Variants in VWC2L observed in about 807,000 individuals in gnomAD.
VWC2L encodes von Willebrand factor C domain-containing protein 2-like.
Under a neutral mutation model 21.6 loss-of-function variants are expected in VWC2L, and 10 were observed. That is an observed-to-expected ratio of 0.46 (90% CI 0.29 to 0.78). The LOEUF (loss-of-function observed/expected upper bound fraction) is 0.78, where lower values mean the gene tolerates loss of function less well. Ranked by LOEUF, VWC2L falls within the 30% of genes least tolerant of loss-of-function variation. The probability of loss-of-function intolerance (pLI) is 0.10; values close to 1 mark genes in which losing one functional copy is unlikely to be tolerated. For synonymous variants in VWC2L, 96 were observed against 94.3 expected, an observed-to-expected ratio of 1.02 and a Z score of -0.10; for missense variants, 209 against 277.1, an observed-to-expected ratio of 0.75 and a Z score of 1.74.
At position 214,437,999 on chromosome 2, in the gene VWC2L, G is replaced by C. The variant is rs73987329; in HGVS notation, c.520+1241G>C. On this transcript the variant is annotated intron_variant, in intron 3 of 3. Coordinates refer to ENST00000312504, the MANE Select transcript of VWC2L (RefSeq NM_001080500.4). ...CTTATCTCCTTTCTCCAATCTACCT[G>C]TCATAGTGACCACTCTCTCACTTAG... 1.4e-3 allele frequency among the ~76,000 whole-genome samples: 213 copies of C among 151,970 alleles called. 4 individuals are homozygous for C. The highest frequency in any genetic ancestry group is 4.8e-3 in the African/African-American group (201 of 41,464).
intron 3 of VWC2L, among the ~76,000 whole-genome samples, chr2:214,458,311 GTCT>G (rs1276660981): frequency 6.6e-6 from 1 of 151,762 alleles, no homozygotes; most frequent in African/African-American, 2.4e-5. Context: ...TTGTATGAGT[GTCT>G]TCTTTTTTTC....
intron 3 of VWC2L, among the ~76,000 whole-genome samples, chr2:214,535,641 G>GT (rs1166653376): frequency 6.6e-6 from 1 of 152,016 alleles, no homozygotes; most frequent in East Asian, 1.9e-4. Flanking sequence ...TTAAAGCTGC[G>GT]TAAGTCATCC....
chr2:214,531,705 ACTGT>A (rs1164450976), intron 3 of VWC2L, among the ~76,000 whole-genome samples: 3 of 152,210 alleles, frequency 2.0e-5, no homozygotes, highest in South Asian at 4.1e-4. Context: ...TTCTCATGTG[ACTGT>A]CCAGGGGAGC....
At chr2:214,537,108 G>A (rs1311620563) in intron 3 of VWC2L, among the ~76,000 whole-genome samples, 2 of 151,772 alleles carry the variant, frequency 1.3e-5, no homozygotes, top group African/African-American at 4.8e-5. Context: ...CCATAATCTG[G>A]GTTAGTTGTC....
chr2:214,542,673 A>G (rs13397126), intron 3 of VWC2L, among the ~76,000 whole-genome samples: 14 of 152,020 alleles, frequency 9.2e-5, no homozygotes, highest in Non-Finnish European at 1.5e-4. Flanking sequence ...CCTGCATCTT[A>G]TTATCCCACT....
At chr2:214,555,661 T>C (rs1390050452) in intron 3 of VWC2L, among the ~76,000 whole-genome samples, 1 of 152,202 alleles carries the variant, frequency 6.6e-6, no homozygotes, top group Non-Finnish European at 1.5e-5. Flanking sequence ...ATCGCTGTTG[T>C]CTCTACCATC....
intron 3 of VWC2L, among the ~76,000 whole-genome samples, chr2:214,487,336 T>C (rs1688684690): frequency 6.6e-6 from 1 of 152,192 alleles, no homozygotes; most frequent in South Asian, 2.1e-4. Context: ...CTTCACTCTA[T>C]CACACAGTAA....
intron 2 of VWC2L, among the ~76,000 whole-genome samples, chr2:214,416,761 C>T (rs901497545): frequency 6.6e-6 from 1 of 151,944 alleles, no homozygotes; most frequent in Non-Finnish European, 1.5e-5. Context: ...GTGGTATTGA[C>T]CATAAAATAG....
intron 3 of VWC2L, among the ~76,000 whole-genome samples, chr2:214,508,621 T>C (rs1689004582): frequency 6.6e-6 from 1 of 152,218 alleles, no homozygotes; most frequent in Admixed American, 6.5e-5. Context: ...TCCAATTTCC[T>C]TTTCCCCATA....
intron 3 of VWC2L, among the ~76,000 whole-genome samples, chr2:214,494,679 A>G (rs1052621823): frequency 6.6e-6 from 1 of 152,158 alleles, no homozygotes; most frequent in African/African-American, 2.4e-5. Context: ...ATTAAAGTTT[A>G]TCAGAATTAA....
chr2:214,506,941 G>A (rs1301006777), intron 3 of VWC2L, among the ~76,000 whole-genome samples: 1 of 149,276 alleles, frequency 6.7e-6, no homozygotes, highest in Non-Finnish European at 1.5e-5. Context: ...CAGAGGTTGT[G>A]TCTGGGTGGC....
intron 3 of VWC2L, among the ~76,000 whole-genome samples, chr2:214,568,418 A>G (rs1690100926): frequency 6.6e-6 from 1 of 152,214 alleles, no homozygotes; most frequent in African/African-American, 2.4e-5. Context: ...ATTATTATGT[A>G]TTAGTCTGTT....
At chr2:214,429,801 CA>C (rs971662651) in intron 2 of VWC2L, among the ~76,000 whole-genome samples, 246 of 151,734 alleles carry the variant, frequency 1.6e-3, no homozygotes, top group Non-Finnish European at 2.6e-3. Flanking sequence ...AAAACTTTAC[CA>C]AAAAAATTTT....
chr2:214,552,576 C>G (rs1362699368), intron 3 of VWC2L, among the ~76,000 whole-genome samples: 3 of 152,178 alleles, frequency 2.0e-5, no homozygotes, highest in African/African-American at 7.2e-5. Context: ...TTCTTCTTCT[C>G]TGACTTGTGT....
intron 3 of VWC2L, among the ~76,000 whole-genome samples, chr2:214,560,820 T>C (rs978686110): frequency 1.3e-5 from 2 of 152,160 alleles, no homozygotes; most frequent in African/African-American, 4.8e-5. Context: ...ATCACACTTA[T>C]CAAAGAAACA....
At chr2:214,573,696 T>A (rs1690186395) in intron 3 of VWC2L, among the ~76,000 whole-genome samples, 1 of 152,178 alleles carries the variant, frequency 6.6e-6, no homozygotes, top group Admixed American at 6.5e-5. Flanking sequence ...CCAGAACAAA[T>A]TCGTGGTTTA....
chr2:214,432,950 A>G (rs1702621417), intron 2 of VWC2L, among the ~76,000 whole-genome samples: 1 of 151,682 alleles, frequency 6.6e-6, no homozygotes. Flanking sequence ...TAAACCCAGG[A>G]GGCAGAGGTT....
intron 2 of VWC2L, among the ~76,000 whole-genome samples, chr2:214,430,818 G>A (rs1342312691): frequency 6.6e-6 from 1 of 152,120 alleles, no homozygotes; most frequent in Non-Finnish European, 1.5e-5. Flanking sequence ...AACTGAGATG[G>A]TTATTTTAAA....
intron 2 of VWC2L, among the ~76,000 whole-genome samples, chr2:214,425,248 C>G (rs886821305): frequency 1.3e-5 from 2 of 152,224 alleles, no homozygotes; most frequent in Non-Finnish European, 2.9e-5. Context: ...AACTTGCACT[C>G]TTGAAGGTTA....
Sources: allele counts gnomAD v4.1 joint callset (sites outside exome capture counted in the v4.1 genomes callset), GRCh38; gene constraint gnomAD v4.1.1; transcripts MANE v1.5; gene names NCBI Gene and HGNC (gene_info 2026-07-23, HGNC 2026-07-21).